TFB1M: variants seen among roughly 807,000 people sequenced by gnomAD.
The protein encoded by TFB1M is dimethyladenosine transferase 1, mitochondrial.
A neutral mutation model predicts 31.1 loss-of-function variants in TFB1M; 27 were observed. The observed-to-expected ratio is 0.87, with a 90% confidence interval of 0.64 to 1.20. The LOEUF (loss-of-function observed/expected upper bound fraction) is 1.20, where lower values mean the gene tolerates loss of function less well. Ranked by LOEUF, TFB1M falls within the 50% of genes most tolerant of loss-of-function variation. The pLI, the probability that TFB1M is intolerant of heterozygous loss-of-function variation, is 0.00. For missense variants in TFB1M, 394 were observed against 418.7 expected (o/e 0.94, Z 0.51); for synonymous variants, 166 against 151.8 (o/e 1.09, Z -0.69).
chr6:155,301,466 AG>A lies in TFB1M; in HGVS notation c.286-2882del, dbSNP rs1352267812. Among the ~76,000 whole-genome samples, 15 of 151,934 alleles carry A rather than the reference AG, an allele frequency of 9.9e-5. No individual in the cohort carries two copies. In the Middle Eastern group the frequency reaches 0.01, roughly 103 times the overall value. ...CATAATGATACATGGGGTATGGTGG[AG>A]GGGGTGGGAAAATCACTATTATATG... On this transcript the variant is annotated intron_variant, in intron 2 of 6. Transcript: ENST00000367166.
At position 155,256,369 on chromosome 6, in the gene TFB1M, AGTCATAT is replaced by A; in HGVS notation, c.*1460_*1466del. Reference sequence around the variant, plus strand: ...AATTACCAGGATAGTTGCTAACTGAAGTCATATCATAAAATAAAATCTTAATGTTAAA... The same window carrying A: ...AATTACCAGGATAGTTGCTAACTGAACATAAAATAAAATCTTAATGTTAAA... On this transcript the variant is annotated 3_prime_UTR_variant, in exon 7 of 7. Transcript: ENST00000367166. 1.4e-6 allele frequency: 2 copies of A among 1,455,890 alleles called. No individual in the cohort carries two copies. The highest frequency in any genetic ancestry group is 1.9e-6 in the Non-Finnish European group (2 of 1,078,534). The allele number at this position is 1,455,890 out of a possible 1,614,324, so 90.2% of individuals were successfully genotyped here.
chr6:155,254,593 T>G, downstream of TFB1M: 2 of 1,605,156 alleles, frequency 1.2e-6, no homozygotes, highest in Non-Finnish European at 1.7e-6. Context: ...TTGCTAGCCT[T>G]GTGTTTATTC....
At chr6:155,300,334 A>G (rs1360339324) in intron 2 of TFB1M, among the ~76,000 whole-genome samples, 1 of 152,210 alleles carries the variant, frequency 6.6e-6, no homozygotes, top group East Asian at 1.9e-4. Flanking sequence ...TAATGTACTT[A>G]TAGATTATTT....
In TFB1M at chr6:155,275,881, T is replaced by C. The variant is rs201831727; in HGVS notation, c.666+9277A>G. On this transcript the variant is annotated intron_variant, in intron 5 of 6. Coordinates refer to ENST00000367166, the MANE Select transcript of TFB1M (RefSeq NM_016020.4). ...AGCTGCACGGGCTCTGGATGGACTG[T>C]ACGTGGTACAGCACTGGGATGTTCA... 2.0e-5 allele frequency: 33 copies of C among 1,614,164 alleles called. No individual in the cohort carries two copies. In the Admixed American group the frequency reaches 2.3e-4, roughly 11 times the overall value.
chr6:155,282,492 G>T (rs1354491980), intron 5 of TFB1M, among the ~76,000 whole-genome samples: 1 of 152,146 alleles, frequency 6.6e-6, no homozygotes, highest in Non-Finnish European at 1.5e-5. Context: ...TTAGAGTTTT[G>T]ATTGAGAATA....
chr6:155,301,829 T>C (rs1272517097), intron 2 of TFB1M, among the ~76,000 whole-genome samples: 1 of 152,204 alleles, frequency 6.6e-6, no homozygotes, highest in African/African-American at 2.4e-5. Flanking sequence ...GTGATTTACA[T>C]AATGAAATAT....
chr6:155,299,959 A>T (rs1777352227), intron 2 of TFB1M, among the ~76,000 whole-genome samples: 1 of 152,230 alleles, frequency 6.6e-6, no homozygotes, highest in South Asian at 2.1e-4. Context: ...CCTTAAGGGC[A>T]GGACCCATTT....
the TFB1M span, chr6:155,244,018 G>A: frequency 1.2e-6 from 2 of 1,614,042 alleles, no homozygotes; most frequent in Admixed American, 1.7e-5. Flanking sequence ...CAGGATTTGA[G>A]CTGCCTCTTT....
At chr6:155,275,742 T>C in intron 5 of TFB1M, 1 of 1,613,954 alleles carries the variant, frequency 6.2e-7, no homozygotes, top group Non-Finnish European at 8.5e-7. Context: ...GGACTCCAGC[T>C]CCTTGCTTTC....
At chr6:155,241,954 G>T in the TFB1M span, among the ~76,000 whole-genome samples, 1 of 152,200 alleles carries the variant, frequency 6.6e-6, no homozygotes, top group South Asian at 2.1e-4. Flanking sequence ...GTTGAGAGGA[G>T]AATCGATGTC....
chr6:155,268,071 T>A (rs1276420446), intron 5 of TFB1M, among the ~76,000 whole-genome samples: 1 of 152,204 alleles, frequency 6.6e-6, no homozygotes, highest in Admixed American at 6.5e-5. Context: ...ACATTATATA[T>A]ATTTAATTAT....
chr6:155,309,800 C>G (rs901554426), intron 2 of TFB1M, among the ~76,000 whole-genome samples: 1 of 152,062 alleles, frequency 6.6e-6, no homozygotes, highest in East Asian at 1.9e-4. Context: ...AATATTCCCA[C>G]GTCCACCTCC....
At chr6:155,302,480 T>C (rs1582872847) in intron 2 of TFB1M, among the ~76,000 whole-genome samples, 1 of 152,172 alleles carries the variant, frequency 6.6e-6, no homozygotes, top group South Asian at 2.1e-4. Context: ...TTCAGACTTT[T>C]AGAGGGAAGG....
At chr6:155,253,961 C>T (rs1022786653), downstream of TFB1M, 7 of 1,606,974 alleles carry the variant, frequency 4.4e-6, no homozygotes, top group Non-Finnish European at 5.9e-6. Context: ...GTTTCCATTT[C>T]CTTTTACATA....
chr6:155,246,853 C>T, the TFB1M span, among the ~76,000 whole-genome samples: 3 of 152,218 alleles, frequency 2.0e-5, no homozygotes. Context: ...AGATTTTGAT[C>T]TTACAACACA....
At chr6:155,252,887 A>G, downstream of TFB1M, 11 of 1,454,278 alleles carry the variant, frequency 7.6e-6, no homozygotes, top group Non-Finnish European at 1.1e-5. Context: ...TTCACTGTGC[A>G]CACATCCTCC....
At chr6:155,314,183 G>C (rs771672321) in intron 1 of TFB1M, 113 bp downstream of exon 1, 21 of 1,552,242 alleles carry the variant, frequency 1.4e-5, no homozygotes, top group Non-Finnish European at 1.7e-5. Flanking sequence ...CTGACCAAAA[G>C]CCCGTCGCAC....
At chr6:155,301,250 C>T (rs1343576294) in intron 2 of TFB1M, among the ~76,000 whole-genome samples, 1 of 152,212 alleles carries the variant, frequency 6.6e-6, no homozygotes, top group African/African-American at 2.4e-5. Flanking sequence ...CAACTCCCCA[C>T]TGCAGAAGGA....
At chr6:155,310,876 G>T in intron 2 of TFB1M, 2 of 305,134 alleles carry the variant, frequency 6.6e-6, no homozygotes, top group Non-Finnish European at 1.2e-5. Context: ...TGAAGGAATG[G>T]GCCACGACAT....
Sources: allele counts gnomAD v4.1 joint callset (sites outside exome capture counted in the v4.1 genomes callset), GRCh38; gene constraint gnomAD v4.1.1; transcripts MANE v1.5; gene names NCBI Gene and HGNC (gene_info 2026-07-23, HGNC 2026-07-21).